The following CHAF1B variants were observed in gnomAD, a reference collection of about 807,000 sequenced individuals.
CHAF1B encodes the protein chromatin assembly factor 1 subunit B, also known as CAF-1 subunit B.
In CHAF1B, 10 loss-of-function variants were observed where a neutral mutation model predicts 60.7. That is an observed-to-expected ratio of 0.16 (90% confidence interval 0.10 to 0.28). The LOEUF (loss-of-function observed/expected upper bound fraction) is 0.28. CHAF1B is among the 10% of genes least tolerant of loss of function. The pLI, the probability that CHAF1B is intolerant of heterozygous loss-of-function variation, is 1.00. For missense variants in CHAF1B, 558 were observed against 708.4 expected, an observed-to-expected ratio of 0.79 and a Z score of 2.41; for synonymous variants, 261 against 266.1, an observed-to-expected ratio of 0.98 and a Z score of 0.19.
chr21:36,415,538 C>G, intron 13 of CHAF1B, 149 bp downstream of exon 13: 1 of 621,098 alleles, frequency 1.6e-6, no homozygotes, highest in South Asian at 1.9e-5. Context: ...CCGCCGGCTG[C>G]CTGTTTACGC....
intron 11 of CHAF1B, 200 bp from the exon 12 acceptor site, chr21:36,412,684 A>G (rs572399706): frequency 3.4e-6 from 2 of 589,800 alleles, no homozygotes; most frequent in South Asian, 2.1e-5. Context: ...AATTGCTAGT[A>G]GCACAGATAG....
intron 3 of CHAF1B, among the ~76,000 whole-genome samples, chr21:36,388,264 GC>G (rs1288414507): frequency 6.6e-6 from 1 of 152,158 alleles, no homozygotes; most frequent in Admixed American, 6.6e-5. Flanking sequence ...TTTGAAAACA[GC>G]TGCTTTCCCG....
intron 4 of CHAF1B, among the ~76,000 whole-genome samples, chr21:36,393,446 CT>C (rs748789062): frequency 0.045 from 5,173 of 115,132 alleles, 126 homozygotes; most frequent in African/African-American, 0.086. Context: ...TACAGCTATC[CT>C]TTTTTTTTTT....
intron 7 of CHAF1B, among the ~76,000 whole-genome samples, chr21:36,401,715 C>T (rs763853248): frequency 4.8e-4 from 69 of 142,952 alleles, no homozygotes; most frequent in African/African-American, 8.6e-4. Flanking sequence ...ATAGTAATGC[C>T]GGCTTCCTTG....
intron 8 of CHAF1B, among the ~76,000 whole-genome samples, chr21:36,404,575 C>T (rs1364995965): frequency 6.6e-6 from 1 of 150,506 alleles, no homozygotes. Context: ...GCTGGGATTA[C>T]AGGCATGCGC....
chr21:36,394,520 T>C, intron 4 of CHAF1B, 27 bp from the exon 5 acceptor site: 1 of 1,556,242 alleles, frequency 6.4e-7, no homozygotes, highest in South Asian at 1.1e-5. Flanking sequence ...AGTAATTGCT[T>C]TTTTCCTCTT....
intron 3 of CHAF1B, among the ~76,000 whole-genome samples, chr21:36,389,803 G>GCA (rs2086071359): frequency 6.6e-6 from 1 of 150,416 alleles, no homozygotes; most frequent in South Asian, 2.1e-4. Flanking sequence ...GTGTGTGTGC[G>GCA]CGCGCACGCT....
At chr21:36,399,447 TG>T (rs2086168850) in intron 6 of CHAF1B, 73 bp from the exon 7 acceptor site, 1 of 1,286,846 alleles carries the variant, frequency 7.8e-7, no homozygotes, top group Non-Finnish European at 1.1e-6. Context: ...AATAGGCTGT[TG>T]GTAATAAGTT....
At chr21:36,409,740 C>T (rs1459122677) in intron 10 of CHAF1B, among the ~76,000 whole-genome samples, 3 of 152,014 alleles carry the variant, frequency 2.0e-5, no homozygotes, top group African/African-American at 7.2e-5. Context: ...TCAAGTGATC[C>T]ACCTGCCTCG....
At chr21:36,387,224 G>GTTTT (rs61437805) in intron 2 of CHAF1B, among the ~76,000 whole-genome samples, 3 of 131,496 alleles carry the variant, frequency 2.3e-5, no homozygotes, top group South Asian at 2.4e-4. Context: ...GCATAGTTTT[G>GTTTT]TTTTTTTTTT....
At chr21:36,403,883 C>T (rs1276796306) in intron 8 of CHAF1B, among the ~76,000 whole-genome samples, 2 of 152,164 alleles carry the variant, frequency 1.3e-5, no homozygotes, top group Admixed American at 6.6e-5. Flanking sequence ...TCTTGGTTTG[C>T]CACTGAGTCC....
intron 3 of CHAF1B, 42 bp downstream of exon 3, chr21:36,387,772 A>G (rs1439396913): frequency 6.2e-7 from 1 of 1,602,928 alleles, no homozygotes; most frequent in Non-Finnish European, 8.5e-7. Context: ...GGAACCAGAT[A>G]GATACCTGTG....
At chr21:36,415,765 T>G (rs1455098688) in intron 13 of CHAF1B, 1 of 418,266 alleles carries the variant, frequency 2.4e-6, no homozygotes, top group Non-Finnish European at 4.6e-6. Flanking sequence ...TTTTTTTCTT[T>G]TTTTTGAGAT....
chr21:36,402,946 A>T, intron 8 of CHAF1B, 95 bp downstream of exon 8: 2 of 1,055,224 alleles, frequency 1.9e-6, no homozygotes, highest in Non-Finnish European at 2.9e-6. Flanking sequence ...GTGAATGCTG[A>T]TTAGAGTGGG....
chr21:36,418,887 GT>G lies in CHAF1B; in HGVS notation c.*2525del, dbSNP rs2086336512. The G allele has an allele frequency of 6.6e-6, 1 of 151,944 alleles. No individual in the cohort carries two copies. The highest frequency in any genetic ancestry group is 1.5e-5 in the Non-Finnish European group (1 of 68,024). 9.4% of individuals were successfully genotyped at this position (151,944 alleles called of 1,614,324 possible). A position where few individuals can be genotyped will look rare whatever the true frequency, so the allele number is the denominator to read the frequency against. On this transcript the variant is annotated 3_prime_UTR_variant, in exon 14 of 14. Transcript: ENST00000314103. ...AAGAGAAAAAGAAGAACAGTATTAG[GT>G]TTTACAAATCTGTTTCTTGTGCATT...
Position 36,411,458 on chromosome 21 carries a change from C to T in CHAF1B, c.920-5C>T. 6.2e-7 allele frequency: 1 copy of T among 1,613,602 alleles called. No individual in the cohort carries two copies. The highest frequency in any genetic ancestry group is 8.5e-7 in the Non-Finnish European group (1 of 1,179,966). ...TTTTACTTTGTCTCTGTCCCCAACC[C>T]CCAGGTGTGGAGCTGATGAGTCTGC... is the stretch of plus-strand genomic sequence containing the variant. On this transcript the variant is annotated splice_region_variant and splice_polypyrimidine_tract_variant and intron_variant, in intron 10 of 13. Transcript: ENST00000314103.
At chr21:36,389,800 T>TGTGTGTGTGTGTGCGCGCGCGCGCGC in intron 3 of CHAF1B, among the ~76,000 whole-genome samples, 1 of 124,746 alleles carries the variant, frequency 8.0e-6, no homozygotes, top group African/African-American at 3.5e-5. Flanking sequence ...TGTGTGTGTG[T>TGTGTGTGTGTGTGCGCGCGCGCGCGC]GCGCGCGCAC....
At chr21:36,393,446 CTTTTTTTTTTTTT>C (rs748789062) in intron 4 of CHAF1B, among the ~76,000 whole-genome samples, 2 of 115,140 alleles carry the variant, frequency 1.7e-5, no homozygotes, top group Non-Finnish European at 3.6e-5. Context: ...TACAGCTATC[CTTTTTTTTTTTTT>C]TTTTTTTTTT....
chr21:36,415,529 C>G, intron 13 of CHAF1B, 140 bp downstream of exon 13: 1 of 649,056 alleles, frequency 1.5e-6, no homozygotes, highest in South Asian at 1.9e-5. Context: ...TGTTTAAACC[C>G]GCCGGCTGCC....
Sources: gnomAD v4.1 joint callset for allele counts (sites outside exome capture counted in the v4.1 genomes callset) on GRCh38, gnomAD v4.1.1 for gene constraint, MANE v1.5 for transcripts, NCBI Gene and HGNC (gene_info 2026-07-23, HGNC 2026-07-21) for gene names.